The following ERC1 variants were observed in gnomAD, a reference collection of about 807,000 sequenced individuals.
ERC1 encodes RAB6 interacting protein 2.
A neutral mutation model predicts 132.0 loss-of-function variants in ERC1; 56 were observed. The observed-to-expected ratio is 0.42, with a 90% CI of 0.34 to 0.53. The LOEUF is 0.53. Ranked by LOEUF, ERC1 falls within the 20% of genes least tolerant of loss-of-function variation. ERC1 has a pLI of 0.03. For missense variants in ERC1, 1,202 were observed against 1,349.9 expected, an observed-to-expected ratio of 0.89 and a Z score of 1.72; for synonymous variants, 478 against 476.1, an observed-to-expected ratio of 1.00 and a Z score of -0.05.
chr12:1,256,218 T>C (rs1169071508), intron 13 of ERC1, among the ~76,000 whole-genome samples: 2 of 152,090 alleles, frequency 1.3e-5, no homozygotes, highest in African/African-American at 4.8e-5. Flanking sequence ...TGAAATCTAC[T>C]TCTTTAAAAA....
Position 1,028,479 on chromosome 12 carries a change from A to G in ERC1, c.576A>G (p.Pro192=), listed in dbSNP as rs755117710. The G allele has an allele frequency of 9.3e-6, 15 of 1,614,050 alleles. No homozygotes were observed. In the Admixed American group the frequency reaches 2.5e-4, roughly 27 times the overall value. ...SMNSIKTFWS[P]ELKKERALRK... ...ATAGCATCAAGACCTTCTGGAGCCCAGAGCTGAAGAAGGAACGAGCCCTGA... is the reference window on the plus strand; with the variant it reads ...ATAGCATCAAGACCTTCTGGAGCCCGGAGCTGAAGAAGGAACGAGCCCTGA... Residue 192 remains proline, a synonymous_variant, in exon 2 of 19, where the codon CCA becomes CCG. Transcript: ENST00000360905.
Position 1,490,257 on chromosome 12 carries a change from A to G in ERC1, c.*27A>G. On this transcript the variant is annotated 3_prime_UTR_variant, in exon 19 of 19. Transcript: ENST00000360905. ...CCTGCTTTATGGGGAAGCCTGAGGTAGTCAACCCAGGAGCCAAGAAAAGAG... is the reference window on the plus strand; with the variant it reads ...CCTGCTTTATGGGGAAGCCTGAGGTGGTCAACCCAGGAGCCAAGAAAAGAG... 1 of 1,607,614 alleles carries G rather than the reference A, an allele frequency of 6.2e-7. No individual in the cohort carries two copies. Among genetic ancestry groups the G allele is most frequent in the Non-Finnish European group, 8.5e-7 (1 of 1,175,798 alleles).
intron 2 of ERC1, among the ~76,000 whole-genome samples, chr12:1,068,530 C>G (rs1337206166): frequency 6.6e-6 from 1 of 151,868 alleles, no homozygotes; most frequent in African/African-American, 2.4e-5. Context: ...TTTACTGATG[C>G]TTAGCATTTT....
chr12:1,129,243 TAGG>T (rs1029466648), intron 7 of ERC1, among the ~76,000 whole-genome samples: 5 of 152,128 alleles, frequency 3.3e-5, no homozygotes, highest in Admixed American at 2.6e-4. Flanking sequence ...GAGGTCAAGG[TAGG>T]AGGATCACTT....
At chr12:1,116,818 T>G (rs778445856) in intron 7 of ERC1, among the ~76,000 whole-genome samples, 16 of 152,120 alleles carry the variant, frequency 1.1e-4, no homozygotes, top group Non-Finnish European at 1.8e-4. Flanking sequence ...CCTGACCTCT[T>G]GATCCGCCCG....
At chr12:1,131,941 C>T (rs142983561) in intron 7 of ERC1, among the ~76,000 whole-genome samples, 1 of 152,306 alleles carries the variant, frequency 6.6e-6, no homozygotes, top group African/African-American at 2.4e-5. Context: ...GTTCCTGCAG[C>T]TCTGCTGGTG....
intron 18 of ERC1, among the ~76,000 whole-genome samples, chr12:1,469,361 C>T (rs1464651229): frequency 2.0e-5 from 3 of 152,220 alleles, no homozygotes; most frequent in Non-Finnish European, 4.4e-5. Flanking sequence ...CCTCCACGGG[C>T]TGTGTTCAGT....
intron 15 of ERC1, among the ~76,000 whole-genome samples, chr12:1,327,912 G>A (rs2082572427): frequency 6.6e-6 from 1 of 151,862 alleles, no homozygotes; most frequent in Non-Finnish European, 1.5e-5. Context: ...AGTTGTTCAA[G>A]CCAGAAACTA....
chr12:1,428,243 TC>T (rs2092696361), intron 17 of ERC1, among the ~76,000 whole-genome samples: 1 of 152,206 alleles, frequency 6.6e-6, no homozygotes, highest in Non-Finnish European at 1.5e-5. Flanking sequence ...ATTACTTGTT[TC>T]CCACACAGTC....
At chr12:1,207,303 T>C (rs1001639555) in intron 12 of ERC1, among the ~76,000 whole-genome samples, 26 of 150,564 alleles carry the variant, frequency 1.7e-4, no homozygotes, top group African/African-American at 6.3e-4. Flanking sequence ...TAGTTTCTTA[T>C]TTTTTTAGCT....
intron 17 of ERC1, among the ~76,000 whole-genome samples, chr12:1,440,297 T>C (rs12311764): frequency 0.066 from 9,174 of 139,704 alleles, 764 homozygotes; most frequent in African/African-American, 0.2. Context: ...CTCCGCCTCC[T>C]GGGTTCACGC....
rs1488006567 is a variant in ERC1 at position 1,231,418 on chromosome 12, TTTAAC to T, written c.2352-5348_2352-5344del. The stretch of plus-strand genomic sequence containing the variant: ...TATAGTTATTTTTATACTTTTGTCT[TTTAAC>T]TTTTATGCTAGTTAAAATTGATTTA... On this transcript the variant is annotated intron_variant, in intron 12 of 18. Transcript: ENST00000360905. 3.3e-5 allele frequency among the ~76,000 whole-genome samples: 5 copies of T among 152,236 alleles called. No homozygotes were observed. In the South Asian group the frequency reaches 1.0e-3, roughly 32 times the overall value.
intron 15 of ERC1, among the ~76,000 whole-genome samples, chr12:1,341,072 T>C (rs969568684): frequency 3.2e-4 from 3 of 9,468 alleles, no homozygotes; most frequent in Admixed American, 1.6e-3. Flanking sequence ...TCTTTTTCTT[T>C]TTTTTTTTTT....
intron 15 of ERC1, among the ~76,000 whole-genome samples, chr12:1,351,414 C>T (rs142025221): frequency 1.3e-5 from 2 of 152,312 alleles, no homozygotes; most frequent in East Asian, 1.9e-4. Flanking sequence ...TACCATTTTG[C>T]GTTCCCACCA....
At chr12:1,019,682 A>T (rs952573290) in intron 1 of ERC1, among the ~76,000 whole-genome samples, 4 of 152,162 alleles carry the variant, frequency 2.6e-5, no homozygotes. Flanking sequence ...ACTGGTGTTG[A>T]GAATTGTTTA....
chr12:1,245,379 T>C (rs2076094745), intron 13 of ERC1, among the ~76,000 whole-genome samples: 1 of 152,234 alleles, frequency 6.6e-6, no homozygotes, highest in South Asian at 2.1e-4. Context: ...TATTTATTCT[T>C]TTGTCACTTC....
chr12:1,013,711 A>T (rs1965056063), intron 1 of ERC1, among the ~76,000 whole-genome samples: 1 of 151,942 alleles, frequency 6.6e-6, no homozygotes, highest in South Asian at 2.1e-4. Context: ...TAACTTGTAG[A>T]TTTATTTTCT....
Position 1,357,182 on chromosome 12 carries a change from C to T in ERC1, c.2781-14651C>T, listed in dbSNP as rs1020299045. Reference sequence around the variant, plus strand: ...TCCCAAAATTAGATGTTCTATGTAACGCTGGCTATTTTATGAGATCAAGAC... The same window carrying T: ...TCCCAAAATTAGATGTTCTATGTAATGCTGGCTATTTTATGAGATCAAGAC... On this transcript the variant is annotated intron_variant, in intron 15 of 18. Coordinates refer to ENST00000360905, the MANE Select transcript of ERC1 (RefSeq NM_178040.4). 5.3e-5 allele frequency among the ~76,000 whole-genome samples: 8 copies of T among 152,248 alleles called. No individual in the cohort carries two copies. In the East Asian group the frequency reaches 5.8e-4, roughly 11 times the overall value.
At chr12:1,073,155 C>G (rs1940715270) in intron 2 of ERC1, among the ~76,000 whole-genome samples, 1 of 152,028 alleles carries the variant, frequency 6.6e-6, no homozygotes, top group Non-Finnish European at 1.5e-5. Context: ...CAAAAATTAG[C>G]TAGGCATGGT....
Sources: allele counts gnomAD v4.1 joint callset (sites outside exome capture counted in the v4.1 genomes callset), GRCh38; gene constraint gnomAD v4.1.1; transcripts MANE v1.5; gene names NCBI Gene and HGNC (gene_info 2026-07-23, HGNC 2026-07-21).